C1QTNF7: variants seen among roughly 807,000 people sequenced by gnomAD.
The protein encoded by C1QTNF7 is C1q and TNF related 7, also known as complement C1q tumor necrosis factor-related protein 7.
Under a neutral mutation model 19.6 loss-of-function variants are expected in C1QTNF7, and 15 were observed. The ratio of observed to expected loss-of-function variants is 0.76; its 90% CI spans 0.51 to 1.18. The LOEUF is 1.18. Among genes scored for constraint, C1QTNF7 ranks in the 50% most tolerant of loss-of-function variants. C1QTNF7 has a pLI of 0.00. For synonymous variants in C1QTNF7, 142 were observed against 137.5 expected (o/e 1.03, Z -0.23); for missense variants, 324 against 359.7 (o/e 0.90, Z 0.80).
intron 1 of C1QTNF7, among the ~76,000 whole-genome samples, chr4:15,385,935 T>C (rs1187686988): frequency 1.3e-5 from 2 of 152,242 alleles, no homozygotes. Flanking sequence ...CATAACACGA[T>C]AATAAAATGA....
At chr4:15,352,000 C>T (rs1004713068) in intron 1 of C1QTNF7, among the ~76,000 whole-genome samples, 2 of 152,028 alleles carry the variant, frequency 1.3e-5, no homozygotes, top group Admixed American at 6.6e-5. Context: ...GAGGCCTAAG[C>T]GTATTTGAAC....
Position 15,442,971 on chromosome 4 carries a change from C to A in C1QTNF7, c.*172C>A. 1.7e-6 allele frequency: 1 copy of A among 575,078 alleles called. No homozygotes were observed. Among genetic ancestry groups the A allele is most frequent in the Non-Finnish European group, 2.8e-6 (1 of 353,898 alleles). 35.6% of individuals were successfully genotyped at this position (575,078 alleles called of 1,614,324 possible). A position where few individuals can be genotyped will look rare whatever the true frequency, so the allele number is the denominator to read the frequency against. On this transcript the variant is annotated 3_prime_UTR_variant, in exon 3 of 3. Transcript: ENST00000444304. ...AAACACAGAAAAGTTGAAACCACAA[C>A]AAAATGAATTCTATTAAAGAATAGC... is the stretch of plus-strand genomic sequence containing the variant.
chr4:15,368,682 T>A (rs1018097446), intron 1 of C1QTNF7, among the ~76,000 whole-genome samples: 1 of 152,208 alleles, frequency 6.6e-6, no homozygotes, highest in Non-Finnish European at 1.5e-5. Flanking sequence ...TCTTAATCCA[T>A]TCTATAATTG....
At chr4:15,440,588 AGT>A (rs2108942213) in intron 2 of C1QTNF7, among the ~76,000 whole-genome samples, 1 of 151,924 alleles carries the variant, frequency 6.6e-6, no homozygotes, top group Non-Finnish European at 1.5e-5. Context: ...TTGTATTTTT[AGT>A]AGAGACGGGG....
intron 1 of C1QTNF7, among the ~76,000 whole-genome samples, chr4:15,419,397 A>C (rs371837061): frequency 6.6e-6 from 1 of 152,358 alleles, no homozygotes; most frequent in South Asian, 2.1e-4. Context: ...CTTGATGGAT[A>C]TCGTTTGGCC....
chr4:15,389,874 C>T (rs1485787076), intron 1 of C1QTNF7, among the ~76,000 whole-genome samples: 1 of 152,148 alleles, frequency 6.6e-6, no homozygotes, highest in East Asian at 1.9e-4. Flanking sequence ...ATGAGGCTCA[C>T]ACCGTCAGCA....
intron 1 of C1QTNF7, among the ~76,000 whole-genome samples, chr4:15,420,351 G>A (rs1051477987): frequency 2.6e-5 from 4 of 152,186 alleles, no homozygotes; most frequent in African/African-American, 9.7e-5. Flanking sequence ...TAAGGAGAGT[G>A]TTTCTGATCA....
chr4:15,396,499 C>A (rs1718786639), intron 1 of C1QTNF7, among the ~76,000 whole-genome samples: 1 of 152,106 alleles, frequency 6.6e-6, no homozygotes, highest in Non-Finnish European at 1.5e-5. Flanking sequence ...CTCATGTATT[C>A]AGCAATTATT....
intron 1 of C1QTNF7, among the ~76,000 whole-genome samples, chr4:15,407,097 C>T (rs536902264): frequency 6.6e-5 from 10 of 152,194 alleles, no homozygotes; most frequent in African/African-American, 1.9e-4. Context: ...GGAGACCAAG[C>T]GGCTCTTAAT....
intron 1 of C1QTNF7, among the ~76,000 whole-genome samples, chr4:15,396,673 T>G (rs575380356): frequency 6.6e-6 from 1 of 152,256 alleles, no homozygotes; most frequent in African/African-American, 2.4e-5. Context: ...TGTGGGCAAC[T>G]GATGCTCAGT....
chr4:15,402,196 C>A (rs1007949110), intron 1 of C1QTNF7, among the ~76,000 whole-genome samples: 1 of 152,208 alleles, frequency 6.6e-6, no homozygotes, highest in Admixed American at 6.5e-5. Context: ...CAATCCTCAA[C>A]ACCAGAAAAT....
chr4:15,387,215 G>A (rs997255546), intron 1 of C1QTNF7, among the ~76,000 whole-genome samples: 4 of 152,154 alleles, frequency 2.6e-5, no homozygotes, highest in Admixed American at 6.5e-5. Context: ...TTATTGAGAC[G>A]AGGAAGTGTG....
At position 15,406,001 on chromosome 4, in the gene C1QTNF7, G is replaced by T. The variant is rs554497669; in HGVS notation, c.14-29735G>T. On this transcript the variant is annotated intron_variant, in intron 1 of 2. Transcript: ENST00000295297. Reference sequence around the variant, plus strand: ...GCATCATTTAGATCTCTACTCAAAGGCTGCCTCCTCAAAGACACCTCTGAC... The same window carrying T: ...GCATCATTTAGATCTCTACTCAAAGTCTGCCTCCTCAAAGACACCTCTGAC... Among the ~76,000 whole-genome samples, 4 of 152,178 alleles carry T rather than the reference G, an allele frequency of 2.6e-5. No homozygotes were observed. In the South Asian group the frequency reaches 8.3e-4, roughly 32 times the overall value.
intron 1 of C1QTNF7, among the ~76,000 whole-genome samples, chr4:15,421,581 G>A (rs1711762900): frequency 6.6e-6 from 1 of 152,150 alleles, no homozygotes; most frequent in African/African-American, 2.4e-5. Flanking sequence ...ACAATCCAAG[G>A]AGCCAAGTAC....
At chr4:15,407,861 G>C (rs1471626498) in intron 1 of C1QTNF7, among the ~76,000 whole-genome samples, 2 of 152,174 alleles carry the variant, frequency 1.3e-5, no homozygotes, top group Non-Finnish European at 2.9e-5. Flanking sequence ...AGAAGGCGGA[G>C]GTTGCAGTGA....
intron 1 of C1QTNF7, among the ~76,000 whole-genome samples, chr4:15,421,405 C>A (rs1439901927): frequency 1.3e-5 from 2 of 152,044 alleles, no homozygotes; most frequent in African/African-American, 2.4e-5. Flanking sequence ...CATAGAGAAC[C>A]CAGGATAGTC....
intron 1 of C1QTNF7, among the ~76,000 whole-genome samples, chr4:15,348,590 G>A (rs750397383): frequency 5.3e-5 from 8 of 152,180 alleles, no homozygotes; most frequent in Non-Finnish European, 1.0e-4. Flanking sequence ...AGAGACCCCA[G>A]AGACTTAGGT....
intron 1 of C1QTNF7, among the ~76,000 whole-genome samples, chr4:15,419,219 CA>C (rs1711621780): frequency 6.6e-6 from 1 of 152,126 alleles, no homozygotes; most frequent in Non-Finnish European, 1.5e-5. Context: ...CCTTTTGATC[CA>C]ATAATTCCAT....
At chr4:15,399,218 C>T (rs1177189323) in intron 1 of C1QTNF7, among the ~76,000 whole-genome samples, 1 of 152,150 alleles carries the variant, frequency 6.6e-6, no homozygotes, top group Non-Finnish European at 1.5e-5. Flanking sequence ...ACTGCCCTTC[C>T]CTGGTGCCGA....
Sources: gnomAD v4.1 joint callset for allele counts (sites outside exome capture counted in the v4.1 genomes callset) on GRCh38, gnomAD v4.1.1 for gene constraint, MANE v1.5 for transcripts, NCBI Gene and HGNC (gene_info 2026-07-23, HGNC 2026-07-21) for gene names.